Variants in GTF3C4 observed in about 807,000 individuals in gnomAD.
The protein encoded by GTF3C4 is general transcription factor 3C polypeptide 4.
Under a neutral mutation model 67.5 loss-of-function variants are expected in GTF3C4, and 28 were observed. That is an observed-to-expected ratio of 0.41 (90% CI 0.31 to 0.57). GTF3C4 has a LOEUF of 0.57. Ranked by LOEUF, GTF3C4 falls within the 20% of genes least tolerant of loss-of-function variation. The pLI is 0.21. For missense variants in GTF3C4, 831 were observed against 1,033.2 expected, an observed-to-expected ratio of 0.80 and a Z score of 2.68; for synonymous variants, 409 against 393.0, an observed-to-expected ratio of 1.04 and a Z score of -0.48.
At chr9:132,681,703 ATTTGCTGCT>A (rs1159552855) in intron 2 of GTF3C4, among the ~76,000 whole-genome samples, 1 of 152,152 alleles carries the variant, frequency 6.6e-6, no homozygotes, top group Non-Finnish European at 1.5e-5. Flanking sequence ...AAGAACTAAT[ATTTGCTGCT>A]TTGGAAGGAC....
chr9:132,685,014 A>T (rs1326060819), intron 3 of GTF3C4, among the ~76,000 whole-genome samples: 10 of 135,422 alleles, frequency 7.4e-5, no homozygotes, highest in East Asian at 2.1e-4. Flanking sequence ...AAATTTTTTA[A>T]TTTTTTTTTT....
Position 132,678,733 on chromosome 9 carries a change from C to T in GTF3C4, c.1114C>T (p.His372Tyr). ...GAAAGAAATGGACCAGTTACCTGTGCACAGTATCAAATGTGTGCCACTTTA... is the reference window on the plus strand; with the variant it reads ...GAAAGAAATGGACCAGTTACCTGTGTACAGTATCAAATGTGTGCCACTTTA... ...LWKEMDQLPV[H>Y]SIKCVPLYHP... The change falls in exon 2 of 5, where the codon CAC becomes TAC. Residue 372 changes from histidine to tyrosine, a missense_variant. Transcript: ENST00000372146. This position sits in a 1 kb window ranked among gnomAD's most constrained non-coding sequence, Gnocchi z 6.5. The T allele has an allele frequency of 1.9e-6, 3 of 1,614,028 alleles. No homozygotes were observed. Among genetic ancestry groups the T allele is most frequent in the Non-Finnish European group, 2.5e-6 (3 of 1,179,876 alleles).
In GTF3C4 at chr9:132,690,510, C is replaced by CATTG. The variant is rs1315217676; in HGVS notation, c.*1568_*1571dup. On this transcript the variant is annotated 3_prime_UTR_variant, in exon 5 of 5. Transcript: ENST00000372146. ...CGGCAACCTCCCCACCCCCACCCCG[C>CATTG]ATTGATAGGTAGTGCAGACCAGCCC... 1 of 150,984 alleles carries CATTG rather than the reference C, an allele frequency of 6.6e-6. No homozygotes were observed. The highest frequency in any genetic ancestry group is 1.5e-5 in the Non-Finnish European group (1 of 67,784). The allele number at this position is 150,984 out of a possible 1,614,324, so 9.4% of individuals were successfully genotyped here. A position where few individuals can be genotyped will look rare whatever the true frequency, so the allele number is the denominator to read the frequency against.
At chr9:132,674,841 G>A (rs1174732139) in intron 1 of GTF3C4, among the ~76,000 whole-genome samples, 1 of 152,172 alleles carries the variant, frequency 6.6e-6, no homozygotes, top group East Asian at 1.9e-4. Context: ...ACCAGCCTGG[G>A]CAACAGAGAG....
Position 132,670,868 on chromosome 9 carries a change from G to A in GTF3C4, c.270G>A (p.Glu90=), listed in dbSNP as rs140834695. The change falls in exon 1 of 5, where the codon GAG becomes GAA. Residue 90 remains glutamate (E), a synonymous_variant. Coordinates refer to ENST00000372146, the MANE Select transcript of GTF3C4 (RefSeq NM_012204.4). ...CGGCCCGCAGCATCGCTGTGCTGGAGCTCATCTGCGACGTGCACAACCCGG... is the reference window on the plus strand; with the variant it reads ...CGGCCCGCAGCATCGCTGTGCTGGAACTCATCTGCGACGTGCACAACCCGG... The part of the protein sequence containing the change: ...VSTARSIAVL[E]LICDVHNPGQ... 1.8e-3 allele frequency: 2,913 copies of A among 1,612,326 alleles called. 4 individuals carry two copies. Among genetic ancestry groups the A allele is most frequent in the Admixed American group, 2.5e-3 (149 of 60,008 alleles).
At chr9:132,680,093 T>C (rs538910440) in intron 2 of GTF3C4, among the ~76,000 whole-genome samples, 4 of 152,254 alleles carry the variant, frequency 2.6e-5, no homozygotes, top group African/African-American at 9.6e-5. Context: ...TTTAGCTGAG[T>C]AGTATGTGAT....
At chr9:132,670,265 C>A, upstream of GTF3C4, 1 of 1,519,342 alleles carries the variant, frequency 6.6e-7, no homozygotes, top group East Asian at 2.3e-5. Context: ...CGACGAGCCT[C>A]CCCTTTACCG....
chr9:132,689,322 G>T lies in GTF3C4; in HGVS notation c.*377G>T, dbSNP rs999109783. 1.1e-5 allele frequency: 2 copies of T among 184,188 alleles called. No individual in the cohort carries two copies. The highest frequency in any genetic ancestry group is 1.3e-4 in the South Asian group (1 of 7,674). The allele number at this position is 184,188 out of a possible 1,614,324, so 11.4% of individuals were successfully genotyped here. On this transcript the variant is annotated 3_prime_UTR_variant, in exon 5 of 5. Coordinates refer to ENST00000372146, the MANE Select transcript of GTF3C4 (RefSeq NM_012204.4). ...GAGAGCTTGGATAAGGACCTTGCTG[G>T]GTTGAGTTAGGTTTTAATCCTTGCT...
At chr9:132,672,124 A>G (rs1417050584) in intron 1 of GTF3C4, among the ~76,000 whole-genome samples, 2 of 152,236 alleles carry the variant, frequency 1.3e-5, no homozygotes, top group Non-Finnish European at 2.9e-5. Flanking sequence ...CATTTGTTCA[A>G]GTGTAAACAA....
upstream of GTF3C4, chr9:132,670,061 G>T: frequency 6.4e-7 from 1 of 1,564,192 alleles, no homozygotes; most frequent in Non-Finnish European, 8.7e-7. Context: ...GGCTCCAGCT[G>T]TACGGACTCG....
In GTF3C4 at chr9:132,683,479, T is replaced by A. The variant is rs916552091; in HGVS notation, c.2185-84T>A. 13 of 1,226,706 alleles carry A rather than the reference T, an allele frequency of 1.1e-5. No homozygotes were observed. The African/African-American group carries it at 1.7e-4, about 16-fold the overall frequency. 76.0% of individuals were successfully genotyped at this position (1,226,706 alleles called of 1,614,324 possible). A position where few individuals can be genotyped will look rare whatever the true frequency, so the allele number is the denominator to read the frequency against. On this transcript the variant is annotated intron_variant, in intron 2 of 4. Transcript: ENST00000372146. ...CTCTTTTCTTTTTTTCTTTATTTTT[T>A]AATTTTCCCTTTGTGTTTGTAGGCT... is the stretch of plus-strand genomic sequence containing the variant.
In GTF3C4 at chr9:132,682,760, G is replaced by C. The variant is rs549561803; in HGVS notation, c.2185-803G>C. On this transcript the variant is annotated intron_variant, in intron 2 of 4. Coordinates refer to ENST00000372146, the MANE Select transcript of GTF3C4 (RefSeq NM_012204.4). ...GCTGGAATTACAGGTATGTGCCACC[G>C]TGCCTGGCTACTTTTTGTATTTTTA... Among the ~76,000 whole-genome samples the C allele has an allele frequency of 4.0e-5, 6 of 151,852 alleles. No individual in the cohort carries two copies. The East Asian group carries it at 1.2e-3, about 29-fold the overall frequency.
intron 4 of GTF3C4, 60 bp downstream of exon 4, chr9:132,687,387 C>T (rs1313347120): frequency 3.2e-5 from 31 of 983,948 alleles, no homozygotes; most frequent in South Asian, 1.5e-4. Context: ...AGAGGGCCAG[C>T]GCCCCAGAAT....
intron 4 of GTF3C4, 79 bp downstream of exon 4, chr9:132,687,406 T>A: frequency 1.4e-6 from 1 of 711,592 alleles, no homozygotes; most frequent in Non-Finnish European, 2.5e-6. Context: ...ATAACAGTTC[T>A]AGTCACGCTC....
At position 132,670,621 on chromosome 9, in the gene GTF3C4, G is replaced by T; in HGVS notation, c.23G>T (p.Arg8Leu). The change falls in exon 1 of 5, where the codon CGG (arginine) becomes CTG (leucine). Residue 8 changes from arginine (R) to leucine (L), a missense_variant. Physicochemically the swap from Arg to Leu is moderately radical, Grantham distance 102. Transcript: ENST00000372146. Reference sequence around the variant, plus strand: ...AAGATGAACACGGCCGACCAGGCCCGGGTGGGGCCCGCGGACGACGGGCCT... The same window carrying T: ...AAGATGAACACGGCCGACCAGGCCCTGGTGGGGCCCGCGGACGACGGGCCT... MNTADQA[R>L]VGPADDGPAP... 6.9e-7 allele frequency: 1 copy of T among 1,453,330 alleles called. No individual in the cohort carries two copies. The highest frequency in any genetic ancestry group is 1.5e-5 in the South Asian group (1 of 68,208). The allele number at this position is 1,453,330 out of a possible 1,614,324, so 90.0% of individuals were successfully genotyped here.
At position 132,689,204 on chromosome 9, in the gene GTF3C4, C is replaced by G. The variant is rs919386136; in HGVS notation, c.*259C>G. ...TGAGCATTAGCCCCAGCTTTGTAAC[C>G]AATGAGGAACACTTACTTATTTTTA... On this transcript the variant is annotated 3_prime_UTR_variant, in exon 5 of 5. Transcript: ENST00000372146. 2.2e-6 allele frequency: 1 copy of G among 456,394 alleles called. No individual in the cohort carries two copies. Among genetic ancestry groups the G allele is most frequent in the Admixed American group, 3.3e-5 (1 of 30,224 alleles). 28.3% of individuals were successfully genotyped at this position (456,394 alleles called of 1,614,324 possible). A position where few individuals can be genotyped will look rare whatever the true frequency, so the allele number is the denominator to read the frequency against.
In GTF3C4 at chr9:132,679,024, T is replaced by A; in HGVS notation, c.1405T>A (p.Ser469Thr). ...GTTTGAACACCAGTTGATTAAACTC[T>A]CAGATGTGTTTGGCTCAGTGAGGAC... is the stretch of plus-strand genomic sequence containing the variant. ...LKFEHQLIKL[S>T]DVFGSVRTHG... is the part of the protein sequence containing the mutation. The change falls in exon 2 of 5, where the codon TCA becomes ACA. Residue 469 changes from serine to threonine, a missense_variant. This residue lies in a region of GTF3C4 where 390 missense variants were observed against 540.3 expected (regional missense o/e 0.72). Coordinates refer to ENST00000372146, the MANE Select transcript of GTF3C4 (RefSeq NM_012204.4). The surrounding 1 kb of genome is among the most constrained non-coding windows in gnomAD (Gnocchi z 5.9). The A allele has an allele frequency of 1.2e-6, 2 of 1,614,198 alleles. No individual in the cohort carries two copies. The highest frequency in any genetic ancestry group is 1.7e-6 in the Non-Finnish European group (2 of 1,180,034).
rs181557813 is a variant in GTF3C4, at chr9:132,680,965, G to A, written c.2184+1162G>A. Among the ~76,000 whole-genome samples the A allele has an allele frequency of 3.2e-4, 48 of 152,294 alleles. No homozygotes were observed. The South Asian group carries it at 4.8e-3, about 15-fold the overall frequency. ...TCTCTACTAAAAATAAAAATTAGCC[G>A]GGTGTGGTGGCGGGCGCCTGTAATC... On this transcript the variant is annotated intron_variant, in intron 2 of 4. Transcript: ENST00000372146.
chr9:132,683,882 TAAAGAC>T (rs936645214), intron 3 of GTF3C4, among the ~76,000 whole-genome samples, 189 bp downstream of exon 3: 4 of 152,232 alleles, frequency 2.6e-5, no homozygotes, highest in Non-Finnish European at 4.4e-5. Context: ...AGTTGGCCTT[TAAAGAC>T]AGTTTTTTAC....
Sources: gnomAD v4.1 joint callset for allele counts (sites outside exome capture counted in the v4.1 genomes callset) on GRCh38, gnomAD v4.1.1 for gene constraint, gnomAD v4.1.1 regional missense constraint, Gnocchi (gnomAD v3.1) non-coding constraint, MANE v1.5 for transcripts, NCBI Gene and HGNC (gene_info 2026-07-23, HGNC 2026-07-21) for gene names.